The following LIN7A variants were observed in gnomAD, a reference collection of about 807,000 sequenced individuals.
The protein encoded by LIN7A is lin-7 cell polarity scaffold A, also known as protein lin-7 homolog A.
LIN7A carries 25 observed loss-of-function variants against 29.8 expected under a neutral mutation model. That is an observed-to-expected ratio of 0.84 (90% CI 0.61 to 1.17). The LOEUF is 1.17. LIN7A is among the 50% of genes most tolerant of loss of function. The pLI, the probability that LIN7A is intolerant of heterozygous loss-of-function variation, is 0.00. For missense variants in LIN7A, 239 were observed against 287.0 expected (o/e 0.83, Z 1.21); for synonymous variants, 118 against 107.5 (o/e 1.10, Z -0.60).
At chr12:80,816,438 TCACA>T (rs896673544) in intron 4 of LIN7A, among the ~76,000 whole-genome samples, 2 of 150,114 alleles carry the variant, frequency 1.3e-5, no homozygotes, top group East Asian at 3.9e-4. Flanking sequence ...ATATACACAC[TCACA>T]CACACACACT....
chr12:80,910,943 T>C (rs1465694244), intron 1 of LIN7A, among the ~76,000 whole-genome samples: 1 of 152,162 alleles, frequency 6.6e-6, no homozygotes, highest in African/African-American at 2.4e-5. Context: ...TCTGGAAAAG[T>C]TTGTGTTGAA....
chr12:80,836,072 C>A lies in LIN7A; in HGVS notation c.483+9658G>T, dbSNP rs568678588. Among the ~76,000 whole-genome samples the A allele has an allele frequency of 6.3e-4, 96 of 152,296 alleles. 1 individual carries two copies. The highest frequency in any genetic ancestry group is 1.1e-3 in the Non-Finnish European group (73 of 68,018). ...CTCAGGATGTATTAGAGACTCTTGG[C>A]ATATCATCAGATTTCAGAATTGATT... On this transcript the variant is annotated intron_variant, in intron 4 of 5. Transcript: ENST00000552864.
intron 4 of LIN7A, among the ~76,000 whole-genome samples, chr12:80,841,381 A>AAGGG (rs1442890697): frequency 1.3e-5 from 2 of 148,216 alleles, no homozygotes; most frequent in African/African-American, 5.2e-5. Context: ...GGAAGGAAGG[A>AAGGG]AGGAAGGAAG....
chr12:80,831,120 A>C (rs951235559), intron 4 of LIN7A, among the ~76,000 whole-genome samples: 1 of 152,168 alleles, frequency 6.6e-6, no homozygotes, highest in Non-Finnish European at 1.5e-5. Flanking sequence ...GACTGCTTCA[A>C]ATTGTACAAT....
rs115416683 is a variant in LIN7A at position 80,814,472 on chromosome 12, C to T, written c.484-2789G>A. ...CAGATCATCAGTCTGTAGACTTCTT[C>T]GTGGCTTTTGTTCTATTTGCTTTTA... On this transcript the variant is annotated intron_variant, in intron 4 of 5. Transcript: ENST00000552864. Among the ~76,000 whole-genome samples the T allele has an allele frequency of 3.2e-3, 488 of 152,226 alleles. 3 individuals carry two copies. The highest frequency in any genetic ancestry group is 0.01 in the African/African-American group (429 of 41,540).
At chr12:80,868,498 G>A (rs1052503877) in intron 2 of LIN7A, among the ~76,000 whole-genome samples, 13 of 152,206 alleles carry the variant, frequency 8.5e-5, no homozygotes, top group Admixed American at 3.9e-4. Flanking sequence ...AACCTGGGAG[G>A]TGGAGGTTGC....
At chr12:80,852,820 C>T (rs1873396811) in intron 2 of LIN7A, among the ~76,000 whole-genome samples, 1 of 152,144 alleles carries the variant, frequency 6.6e-6, no homozygotes, top group African/African-American at 2.4e-5. Flanking sequence ...AGTTTCAATC[C>T]CCTTCTCCCA....
chr12:80,829,161 T>A (rs941690797), intron 4 of LIN7A, among the ~76,000 whole-genome samples: 3 of 152,086 alleles, frequency 2.0e-5, no homozygotes, highest in African/African-American at 4.8e-5. Flanking sequence ...TTGGGCAAAA[T>A]AAGTCCCCCA....
At chr12:80,921,055 A>C (rs777794977) in intron 1 of LIN7A, among the ~76,000 whole-genome samples, 30 of 152,142 alleles carry the variant, frequency 2.0e-4, no homozygotes, top group Non-Finnish European at 3.5e-4. Flanking sequence ...GCCTATGCTG[A>C]AGCCTAATCA....
chr12:80,916,813 AG>A (rs1352800769), intron 1 of LIN7A, among the ~76,000 whole-genome samples: 2 of 131,842 alleles, frequency 1.5e-5, no homozygotes, highest in Non-Finnish European at 3.0e-5. Context: ...TGCCAGATAA[AG>A]AGAAGAAGAA....
At chr12:80,856,877 G>T (rs375678973) in intron 2 of LIN7A, among the ~76,000 whole-genome samples, 3 of 152,126 alleles carry the variant, frequency 2.0e-5, no homozygotes, top group East Asian at 3.9e-4. Flanking sequence ...TGAATTTGAC[G>T]ATTGAAAACA....
intron 2 of LIN7A, among the ~76,000 whole-genome samples, chr12:80,852,569 AGCT>A (rs1473899337): frequency 3.3e-5 from 5 of 152,304 alleles, no homozygotes; most frequent in Admixed American, 2.6e-4. Flanking sequence ...TTATTCTAAT[AGCT>A]GCTATTATTT....
At chr12:80,931,732 A>G (rs1877921956) in intron 1 of LIN7A, among the ~76,000 whole-genome samples, 1 of 152,216 alleles carries the variant, frequency 6.6e-6, no homozygotes, top group Non-Finnish European at 1.5e-5. Flanking sequence ...GAAATAAAAA[A>G]GTTCAGTTCA....
At chr12:80,875,790 A>G (rs953620222) in intron 2 of LIN7A, among the ~76,000 whole-genome samples, 6 of 152,200 alleles carry the variant, frequency 3.9e-5, no homozygotes, top group African/African-American at 1.4e-4. Context: ...TGATTATAAT[A>G]GACATTTTCT....
intron 1 of LIN7A, among the ~76,000 whole-genome samples, chr12:80,896,457 T>C (rs184938997): frequency 1.1e-3 from 166 of 152,284 alleles, no homozygotes; most frequent in African/African-American, 3.7e-3. Context: ...AAATAAATGG[T>C]AAATAATGCT....
At chr12:80,933,271 A>G (rs924390341) in intron 1 of LIN7A, among the ~76,000 whole-genome samples, 65 of 152,296 alleles carry the variant, frequency 4.3e-4, no homozygotes, top group African/African-American at 1.5e-3. Flanking sequence ...CTACCCCAGG[A>G]TGCATAATTA....
chr12:80,877,162 AC>A (rs1273252362), intron 2 of LIN7A, among the ~76,000 whole-genome samples: 1 of 150,484 alleles, frequency 6.6e-6, no homozygotes, highest in Non-Finnish European at 1.5e-5. Context: ...ATACTTCATG[AC>A]CCAGAAATTC....
chr12:80,866,777 A>G (rs1305961158), intron 2 of LIN7A, among the ~76,000 whole-genome samples: 1 of 152,156 alleles, frequency 6.6e-6, no homozygotes, highest in Admixed American at 6.5e-5. Context: ...GAATTAGTTC[A>G]GAGACCATTT....
At chr12:80,798,241 T>C (rs950101614) in intron 5 of LIN7A, among the ~76,000 whole-genome samples, 1 of 152,208 alleles carries the variant, frequency 6.6e-6, no homozygotes. Context: ...GGTCAGAGTT[T>C]GGGGAGCAGT....
Sources: gnomAD v4.1 joint callset for allele counts (sites outside exome capture counted in the v4.1 genomes callset) on GRCh38, gnomAD v4.1.1 for gene constraint, MANE v1.5 for transcripts, NCBI Gene and HGNC (gene_info 2026-07-23, HGNC 2026-07-21) for gene names.